Variants in TMED7 observed in about 807,000 individuals in gnomAD.
TMED7 encodes transmembrane p24 trafficking protein 7.
In TMED7, 8 loss-of-function variants were observed where a neutral mutation model predicts 23.4. The observed-to-expected ratio is 0.34, with a 90% confidence interval of 0.20 to 0.62. The LOEUF is 0.62. TMED7 is among the 20% of genes least tolerant of loss of function. The pLI is 0.77. For synonymous variants in TMED7, 121 were observed against 108.5 expected (o/e 1.12, Z -0.72); for missense variants, 232 against 279.1 (o/e 0.83, Z 1.20).
intron 1 of TMED7, among the ~76,000 whole-genome samples, chr5:115,623,347 G>T (rs138501412): frequency 6.6e-6 from 1 of 152,248 alleles, no homozygotes; most frequent in East Asian, 1.9e-4. Context: ...TTCCTGCTAC[G>T]CAGCTAGTCT....
chr5:115,625,536 C>T (rs890083572), intron 1 of TMED7, 65 bp downstream of exon 1: 12 of 1,414,756 alleles, frequency 8.5e-6, no homozygotes, highest in South Asian at 1.6e-5. Flanking sequence ...AGTGCCATCC[C>T]TCAAGTTACA....
rs1223019917 is a variant in TMED7 at position 115,616,075 on chromosome 5, A to G, written c.*134T>C. ...TCCTTTCCACAGTTTGGGAATATGC[A>G]TTGTACATCCCTCCCAACAAGTGTA... is the stretch of plus-strand genomic sequence containing the variant. On this transcript the variant is annotated 3_prime_UTR_variant, in exon 3 of 3. Coordinates refer to ENST00000456936, the MANE Select transcript of TMED7 (RefSeq NM_181836.6). 2 of 878,746 alleles carry G rather than the reference A, an allele frequency of 2.3e-6. No homozygotes were observed. The highest frequency in any genetic ancestry group is 2.5e-5 in the Admixed American group (1 of 40,664). 54.4% of individuals were successfully genotyped at this position (878,746 alleles called of 1,614,324 possible).
rs1418850785 is a variant in TMED7, at chr5:115,615,063, TA to T, written c.*1145del. ...ACAAGTTATAAGATGCAACACAATG[TA>T]AACCCTATAGTCTACAGAATATGCA... On this transcript the variant is annotated 3_prime_UTR_variant, in exon 3 of 3. Coordinates refer to ENST00000456936, the MANE Select transcript of TMED7 (RefSeq NM_181836.6). The T allele has an allele frequency of 6.6e-6, 1 of 152,138 alleles. No homozygotes were observed. The allele number at this position is 152,138 out of a possible 1,614,324, so 9.4% of individuals were successfully genotyped here.
At chr5:115,625,360 A>G (rs1288390945) in intron 1 of TMED7, among the ~76,000 whole-genome samples, 3 of 152,224 alleles carry the variant, frequency 2.0e-5, no homozygotes, top group Non-Finnish European at 4.4e-5. Context: ...CTTAAAAATG[A>G]GATGGAAAGA....
chr5:115,625,230 G>A (rs1048303299), intron 1 of TMED7, among the ~76,000 whole-genome samples: 20 of 152,200 alleles, frequency 1.3e-4, no homozygotes, highest in African/African-American at 4.8e-4. Context: ...GACATTGGCA[G>A]CACTCCAAAT....
Position 115,620,589 on chromosome 5 carries a change from C to G in TMED7, c.284G>C (p.Ser95Thr), listed in dbSNP as rs919708075. 6.2e-7 allele frequency: 1 copy of G among 1,604,850 alleles called. No individual in the cohort carries two copies. Among genetic ancestry groups the G allele is most frequent in the African/African-American group, 1.3e-5 (1 of 74,542 alleles). The change falls in exon 2 of 3, where the codon AGT becomes ACT. Residue 95 changes from serine to threonine, a missense_variant. Physicochemically the swap from Ser to Thr is moderately conservative, Grantham distance 58. This residue lies in a region of TMED7 where 126 missense variants were observed against 182.1 expected (regional missense o/e 0.69). Coordinates refer to ENST00000456936, the MANE Select transcript of TMED7 (RefSeq NM_181836.6). ...ATTTTTGGAGGCTGTGAAGGTAAAA[C>G]TATCATACTGTTTCTTCATCTCTTT... ...LYKEMKKQYD[S>T]FTFTASKNGT...
rs893340259 is a variant in TMED7 at position 115,614,194 on chromosome 5, G to A, written c.*2015C>T. The stretch of plus-strand genomic sequence containing the variant: ...ATCAAAATGTAACCAGTTACACAGA[G>A]ACTAGACTAAGCCAACACTATTTTC... On this transcript the variant is annotated 3_prime_UTR_variant, in exon 3 of 3. Transcript: ENST00000456936. 2.6e-5 allele frequency: 4 copies of A among 152,016 alleles called. No individual in the cohort carries two copies. The highest frequency in any genetic ancestry group is 9.7e-5 in the African/African-American group (4 of 41,412). 9.4% of individuals were successfully genotyped at this position (152,016 alleles called of 1,614,324 possible). A position where few individuals can be genotyped will look rare whatever the true frequency, so the allele number is the denominator to read the frequency against.
At chr5:115,624,877 G>A (rs1037509261) in intron 1 of TMED7, among the ~76,000 whole-genome samples, 1 of 152,210 alleles carries the variant, frequency 6.6e-6, no homozygotes, top group Admixed American at 6.5e-5. Context: ...GAAAAGCAGG[G>A]TGAGAGGGGA....
At chr5:115,621,541 G>A (rs1757027789) in intron 1 of TMED7, among the ~76,000 whole-genome samples, 1 of 152,190 alleles carries the variant, frequency 6.6e-6, no homozygotes, top group Admixed American at 6.5e-5. Flanking sequence ...GGAGGTAGGT[G>A]ATATGAGTCT....
Position 115,614,188 on chromosome 5 carries a change from C to A in TMED7, c.*2021G>T, listed in dbSNP as rs1018214577. 6.6e-6 allele frequency: 1 copy of A among 152,044 alleles called. No homozygotes were observed. Among genetic ancestry groups the A allele is most frequent in the African/African-American group, 2.4e-5 (1 of 41,432 alleles). 9.4% of individuals were successfully genotyped at this position (152,044 alleles called of 1,614,324 possible). ...ACAACCATCAAAATGTAACCAGTTACACAGAGACTAGACTAAGCCAACACT... is the reference window on the plus strand; with the variant it reads ...ACAACCATCAAAATGTAACCAGTTAAACAGAGACTAGACTAAGCCAACACT... On this transcript the variant is annotated 3_prime_UTR_variant, in exon 3 of 3. Coordinates refer to ENST00000456936, the MANE Select transcript of TMED7 (RefSeq NM_181836.6).
chr5:115,621,979 ATAAT>A (rs1757045881), intron 1 of TMED7, among the ~76,000 whole-genome samples: 1 of 152,204 alleles, frequency 6.6e-6, no homozygotes. Flanking sequence ...TCTAATGAAA[ATAAT>A]TATGCACTTA....
rs776161194 is a variant in TMED7, at chr5:115,620,684, T to C, written c.193-4A>G. ...CATAGTGACCACCAGTAATCACCTG[T>C]AAGAGATTAAAAAAGAAAAATCACT... is the stretch of plus-strand genomic sequence containing the variant. On this transcript the variant is annotated splice_polypyrimidine_tract_variant and splice_region_variant and intron_variant, in intron 1 of 2. Transcript: ENST00000456936. 1 of 1,399,868 alleles carries C rather than the reference T, an allele frequency of 7.1e-7. No homozygotes were observed. The highest frequency in any genetic ancestry group is 2.7e-5 in the East Asian group (1 of 36,914). The allele number at this position is 1,399,868 out of a possible 1,614,324, so 86.7% of individuals were successfully genotyped here.
rs778966409 is a variant in TMED7, at chr5:115,625,785, C to T, written c.8G>A (p.Arg3Gln). The T allele has an allele frequency of 1.4e-6, 2 of 1,431,394 alleles. No homozygotes were observed. Among genetic ancestry groups the T allele is most frequent in the South Asian group, 3.0e-5 (2 of 66,288 alleles). 88.7% of individuals were successfully genotyped at this position (1,431,394 alleles called of 1,614,324 possible). Residue 3 changes from arginine to glutamine, a missense_variant, in exon 1 of 3, where the codon CGG becomes CAG. Transcript: ENST00000456936. The part of the protein sequence containing the change: MP[R>Q]PGSAQRWAAV... The stretch of plus-strand genomic sequence containing the variant: ...CGCCCAGCGCTGCGCGGACCCCGGC[C>T]GCGGCATCCCGAGAAGGCGGCGGCG...
intron 2 of TMED7, among the ~76,000 whole-genome samples, chr5:115,618,805 A>G (rs1157681254): frequency 6.6e-6 from 1 of 152,210 alleles, no homozygotes; most frequent in Non-Finnish European, 1.5e-5. Flanking sequence ...TAATGGTTTT[A>G]GTAGTGACTG....
chr5:115,614,773 C>G lies in TMED7; in HGVS notation c.*1436G>C, dbSNP rs1308257097. On this transcript the variant is annotated 3_prime_UTR_variant, in exon 3 of 3. Transcript: ENST00000456936. ...ATAGCTTAGAATTAAGAGTTAACTT[C>G]TAGTCAGTATTGGTAAGTGACTAGG... The G allele has an allele frequency of 8.6e-5, 13 of 152,026 alleles. No individual in the cohort carries two copies. The highest frequency in any genetic ancestry group is 8.5e-4 in the Admixed American group (13 of 15,270). 9.4% of individuals were successfully genotyped at this position (152,026 alleles called of 1,614,324 possible). A position where few individuals can be genotyped will look rare whatever the true frequency, so the allele number is the denominator to read the frequency against.
chr5:115,623,300 T>C (rs1248304978), intron 1 of TMED7, among the ~76,000 whole-genome samples: 1 of 152,164 alleles, frequency 6.6e-6, no homozygotes, highest in African/African-American at 2.4e-5. Flanking sequence ...AGAGTCCTGA[T>C]TGCATTTTTA....
intron 1 of TMED7, 92 bp downstream of exon 1, chr5:115,625,509 G>C (rs1282929725): frequency 3.4e-5 from 46 of 1,341,606 alleles, no homozygotes; most frequent in Non-Finnish European, 4.0e-5. Context: ...CTAAGAACGG[G>C]GAAACACGGA....
At position 115,625,895 on chromosome 5, in the gene TMED7, G is replaced by A; in HGVS notation, c.-103C>T. 1 of 1,305,662 alleles carries A rather than the reference G, an allele frequency of 7.7e-7. No individual in the cohort carries two copies. Among genetic ancestry groups the A allele is most frequent in the Non-Finnish European group, 9.7e-7 (1 of 1,030,368 alleles). The allele number at this position is 1,305,662 out of a possible 1,614,324, so 80.9% of individuals were successfully genotyped here. On this transcript the variant is annotated 5_prime_UTR_variant, in exon 1 of 3. Transcript: ENST00000456936. ...GCCTCAGCGCAGGCCACCCCGCAAA[G>A]ATACACAGCAGAGCAGGTTCACGCC...
Position 115,613,725 on chromosome 5 carries a change from GA to G in TMED7, c.*2483del, listed in dbSNP as rs1475549412. 6.6e-6 allele frequency: 1 copy of G among 152,424 alleles called. No individual in the cohort carries two copies. Among genetic ancestry groups the G allele is most frequent in the Admixed American group, 6.6e-5 (1 of 15,264 alleles). 9.4% of individuals were successfully genotyped at this position (152,424 alleles called of 1,614,324 possible). A position where few individuals can be genotyped will look rare whatever the true frequency, so the allele number is the denominator to read the frequency against. On this transcript the variant is annotated 3_prime_UTR_variant, in exon 3 of 3. Coordinates refer to ENST00000456936, the MANE Select transcript of TMED7 (RefSeq NM_181836.6). ...GTACAGAGATTTAAATGAAATCTTC[GA>G]AAGAATAAATTTGCTTTTCAGTCCA...
Sources: gnomAD v4.1 joint callset for allele counts (sites outside exome capture counted in the v4.1 genomes callset) on GRCh38, gnomAD v4.1.1 for gene constraint, gnomAD v4.1.1 regional missense constraint, MANE v1.5 for transcripts, NCBI Gene and HGNC (gene_info 2026-07-23, HGNC 2026-07-21) for gene names.